The following DCAF7 variants were observed in gnomAD, a reference collection of about 807,000 sequenced individuals.
The protein encoded by DCAF7 is DDB1 and CUL4 associated factor 7.
A neutral mutation model predicts 41.2 loss-of-function variants in DCAF7; 4 were observed. That is an observed-to-expected ratio of 0.10 (90% confidence interval 0.05 to 0.22). The LOEUF (loss-of-function observed/expected upper bound fraction) is 0.22, where lower values mean the gene tolerates loss of function less well. Ranked by LOEUF, DCAF7 falls within the 10% of genes least tolerant of loss-of-function variation. DCAF7 has a pLI of 1.00. For synonymous variants in DCAF7, 143 were observed against 164.2 expected (o/e 0.87, Z 0.99); for missense variants, 131 against 443.2 (o/e 0.30, Z 6.32).
rs10643199 is a variant in DCAF7, at chr17:63,559,439, GTA to G, written c.138+8642_138+8643del. Among the ~76,000 whole-genome samples, 126 of 122,150 alleles carry G rather than the reference GTA, an allele frequency of 1.0e-3. 2 individuals carry two copies. The East Asian group carries it at 0.011, about 11-fold the overall frequency. 80.1% of individuals were successfully genotyped at this position (122,150 alleles called of 152,430 possible). A position where few individuals can be genotyped will look rare whatever the true frequency, so the allele number is the denominator to read the frequency against. On this transcript the variant is annotated intron_variant, in intron 1 of 6. Coordinates refer to ENST00000614556, the MANE Select transcript of DCAF7 (RefSeq NM_005828.5). ...TATATACGTATATATATATGTGTGT[GTA>G]TATATATATATATATATTTTTAATA...
chr17:63,588,188 G>GCTTTTTTTTT (rs1568106611), intron 6 of DCAF7, among the ~76,000 whole-genome samples: 1 of 122,006 alleles, frequency 8.2e-6, no homozygotes, highest in African/African-American at 4.7e-5. Flanking sequence ...TATTTTCTTG[G>GCTTTTTTTTT]ATTTTTTTTT....
Position 63,589,268 on chromosome 17 carries a change from A to G in DCAF7, c.*96A>G, listed in dbSNP as rs751204357. ...AAGAAACATGTTTCCAGTGGCCAGT[A>G]TGTCTTTCATTGCTTTGCACCCACT... On this transcript the variant is annotated 3_prime_UTR_variant, in exon 7 of 7. Transcript: ENST00000614556. The G allele has an allele frequency of 2.7e-6, 4 of 1,505,232 alleles. No homozygotes were observed. Among genetic ancestry groups the G allele is most frequent in the Non-Finnish European group, 3.6e-6 (4 of 1,098,208 alleles). 93.2% of individuals were successfully genotyped at this position (1,505,232 alleles called of 1,614,324 possible).
chr17:63,583,754 A>G (rs1403086467), intron 5 of DCAF7, 43 bp downstream of exon 5: 1 of 1,580,850 alleles, frequency 6.3e-7, no homozygotes, highest in Admixed American at 1.7e-5. Flanking sequence ...GCCTAACTCC[A>G]GCACTGCTTA....
chr17:63,570,222 T>C (rs561924853), intron 1 of DCAF7, among the ~76,000 whole-genome samples: 122 of 151,886 alleles, frequency 8.0e-4, no homozygotes, highest in African/African-American at 2.6e-3. Flanking sequence ...GGGAGGCCAA[T>C]GCAGGCAGAT....
intron 2 of DCAF7, 94 bp downstream of exon 2, chr17:63,578,722 C>CA: frequency 1.3e-6 from 2 of 1,528,672 alleles, no homozygotes; most frequent in Non-Finnish European, 9.0e-7. Flanking sequence ...GGGTCAGAGG[C>CA]AGCGAGTGTC....
chr17:63,586,532 G>C (rs549221245), intron 6 of DCAF7, among the ~76,000 whole-genome samples: 1 of 152,074 alleles, frequency 6.6e-6, no homozygotes, highest in South Asian at 2.1e-4. Context: ...TTGGGAGGCC[G>C]AGGCAGGTGG....
At chr17:63,578,956 C>T (rs779703330) in intron 2 of DCAF7, among the ~76,000 whole-genome samples, 12 of 152,142 alleles carry the variant, frequency 7.9e-5, no homozygotes, top group Non-Finnish European at 1.5e-4. Context: ...AATGAAATAC[C>T]AGGCCATTGA....
At chr17:63,565,650 G>A (rs1039132992) in intron 1 of DCAF7, among the ~76,000 whole-genome samples, 13 of 152,202 alleles carry the variant, frequency 8.5e-5, no homozygotes, top group Non-Finnish European at 1.6e-4. Context: ...TTTACTGAAA[G>A]TGGGAAGAAT....
chr17:63,558,432 A>C (rs1448974128), intron 1 of DCAF7, among the ~76,000 whole-genome samples: 1 of 152,222 alleles, frequency 6.6e-6, no homozygotes. Context: ...GGGAACACAA[A>C]ACAATACTCG....
At chr17:63,583,900 G>A (rs2033650600) in intron 5 of DCAF7, among the ~76,000 whole-genome samples, 189 bp downstream of exon 5, 1 of 152,184 alleles carries the variant, frequency 6.6e-6, no homozygotes, top group Admixed American at 6.5e-5. Flanking sequence ...TAGAGACCAG[G>A]GAGGCTGCTA....
At chr17:63,582,947 C>T (rs998171803) in intron 4 of DCAF7, among the ~76,000 whole-genome samples, 4 of 152,218 alleles carry the variant, frequency 2.6e-5, no homozygotes, top group African/African-American at 4.8e-5. Flanking sequence ...GCGGGTGCTA[C>T]TAACCTATTT....
At chr17:63,583,113 C>G (rs2033641463) in intron 4 of DCAF7, among the ~76,000 whole-genome samples, 1 of 152,164 alleles carries the variant, frequency 6.6e-6, no homozygotes. Context: ...TGATCTAGGC[C>G]TTAATGAGCT....
chr17:63,550,532 G>T lies in DCAF7; in HGVS notation c.-146G>T. On this transcript the variant is annotated 5_prime_UTR_variant, in exon 1 of 7. Transcript: ENST00000614556. The surrounding 1 kb of genome is among the most constrained non-coding windows in gnomAD (Gnocchi z 4.8). ...GGGGTCGGGCTCGGCCGTCGTCGTT[G>T]TTTGTCGCCGCATCCCCGCTTCCGG... The T allele has an allele frequency of 3.0e-6, 4 of 1,319,042 alleles. No individual in the cohort carries two copies. Among genetic ancestry groups the T allele is most frequent in the Non-Finnish European group, 4.0e-6 (4 of 993,238 alleles). The allele number at this position is 1,319,042 out of a possible 1,614,324, so 81.7% of individuals were successfully genotyped here.
At chr17:63,559,397 A>ATT (rs1568097806) in intron 1 of DCAF7, among the ~76,000 whole-genome samples, 1 of 76,422 alleles carries the variant, frequency 1.3e-5, no homozygotes, top group Non-Finnish European at 2.6e-5. Flanking sequence ...GTATATATAT[A>ATT]TGTATATATA....
chr17:63,565,945 A>G (rs1313533596), intron 1 of DCAF7, among the ~76,000 whole-genome samples: 1 of 152,082 alleles, frequency 6.6e-6, no homozygotes, highest in African/African-American at 2.4e-5. Flanking sequence ...TACTAAAAAT[A>G]CAAAAATTAG....
chr17:63,563,378 A>C (rs985150301), intron 1 of DCAF7, among the ~76,000 whole-genome samples: 1 of 152,246 alleles, frequency 6.6e-6, no homozygotes, highest in Admixed American at 6.5e-5. Flanking sequence ...ACACCTTTAC[A>C]TACTGCTGCT....
At position 63,593,427 on chromosome 17, in the gene DCAF7, T is replaced by C. The variant is rs1280202907; in HGVS notation, c.*4255T>C. On this transcript the variant is annotated 3_prime_UTR_variant, in exon 7 of 7. Coordinates refer to ENST00000614556, the MANE Select transcript of DCAF7 (RefSeq NM_005828.5). The stretch of plus-strand genomic sequence containing the variant: ...TACTTTCTGGATGTCATTTTTAAAA[T>C]ATGGAAACATGCAGGTGCCTTCCCA... The C allele has an allele frequency of 6.6e-6, 1 of 152,640 alleles. No individual in the cohort carries two copies. The highest frequency in any genetic ancestry group is 2.4e-5 in the African/African-American group (1 of 41,440). 9.5% of individuals were successfully genotyped at this position (152,640 alleles called of 1,614,324 possible). A position where few individuals can be genotyped will look rare whatever the true frequency, so the allele number is the denominator to read the frequency against.
intron 1 of DCAF7, among the ~76,000 whole-genome samples, chr17:63,559,386 T>TAC (rs1384056552): frequency 1.3e-4 from 7 of 51,972 alleles, no homozygotes; most frequent in East Asian, 1.0e-3. Flanking sequence ...TGTATATATA[T>TAC]GTATATATAT....
rs934192916 is a variant in DCAF7 at position 63,590,311 on chromosome 17, CTTACA to C, written c.*1141_*1145del. 3 of 152,596 alleles carry C rather than the reference CTTACA, an allele frequency of 2.0e-5. No individual in the cohort carries two copies. The highest frequency in any genetic ancestry group is 4.4e-5 in the Non-Finnish European group (3 of 68,158). 9.5% of individuals were successfully genotyped at this position (152,596 alleles called of 1,614,324 possible). On this transcript the variant is annotated 3_prime_UTR_variant, in exon 7 of 7. Coordinates refer to ENST00000614556, the MANE Select transcript of DCAF7 (RefSeq NM_005828.5). ...CTGTGCTTCCAACCCTGAACAAGAC[CTTACA>C]TGAGAGATGGACTGATGGACTGCGG...
Sources: gnomAD v4.1 joint callset for allele counts (sites outside exome capture counted in the v4.1 genomes callset) on GRCh38, gnomAD v4.1.1 for gene constraint, Gnocchi (gnomAD v3.1) non-coding constraint, MANE v1.5 for transcripts, NCBI Gene and HGNC (gene_info 2026-07-23, HGNC 2026-07-21) for gene names.